ADAMTSL2: variants seen among roughly 807,000 people sequenced by gnomAD.
The protein encoded by ADAMTSL2 is ADAMTS-like protein 2.
A neutral mutation model predicts 117.0 loss-of-function variants in ADAMTSL2; 55 were observed. That is an observed-to-expected ratio of 0.47 (90% CI 0.38 to 0.59). The LOEUF is 0.59. Among genes scored for constraint, ADAMTSL2 ranks in the 20% least tolerant of loss-of-function variants. The pLI, the probability that ADAMTSL2 is intolerant of heterozygous loss-of-function variation, is 0.00. For missense variants in ADAMTSL2, 1,182 were observed against 1,354.5 expected (o/e 0.87, Z 2.00); for synonymous variants, 572 against 566.4 (o/e 1.01, Z -0.14).
At chr9:133,574,554 C>T (rs1254628957) in intron 18 of ADAMTSL2, among the ~76,000 whole-genome samples, 192 bp from the exon 19 acceptor site, 1 of 152,158 alleles carries the variant, frequency 6.6e-6, no homozygotes, top group Non-Finnish European at 1.5e-5. Flanking sequence ...AATCACCTGG[C>T]ATGATCTGGG....
At chr9:133,562,264 C>A (rs1294805014) in intron 12 of ADAMTSL2, among the ~76,000 whole-genome samples, 2 of 152,230 alleles carry the variant, frequency 1.3e-5, no homozygotes, top group Admixed American at 6.5e-5. Context: ...GGGGCTGGGG[C>A]GGCCCTGCAG....
chr9:133,549,390 G>C (rs1432822988), intron 9 of ADAMTSL2, among the ~76,000 whole-genome samples: 2 of 152,092 alleles, frequency 1.3e-5, no homozygotes, highest in Non-Finnish European at 2.9e-5. Flanking sequence ...CTGGTGAGGT[G>C]ACCCTGGTCT....
intron 8 of ADAMTSL2, 101 bp from the exon 9 acceptor site, chr9:133,546,937 G>C (rs1830363142): frequency 8.1e-7 from 1 of 1,230,574 alleles, no homozygotes; most frequent in Non-Finnish European, 1.2e-6. Flanking sequence ...TTTGAGCCGG[G>C]GTTCTGGAGG....
At chr9:133,563,900 AAG>A (rs1491074509) in intron 12 of ADAMTSL2, among the ~76,000 whole-genome samples, 7 of 1,768 alleles carry the variant, frequency 4.0e-3, no homozygotes, top group African/African-American at 5.3e-3. Flanking sequence ...AGAGAGAGAG[AAG>A]GGGAGAGAGA....
chr9:133,556,014 G>T, intron 11 of ADAMTSL2, 84 bp downstream of exon 11: 1 of 1,526,698 alleles, frequency 6.6e-7, no homozygotes, highest in Non-Finnish European at 8.8e-7. Flanking sequence ...AGGCCCCACT[G>T]GGGGGGTCTG....
intron 11 of ADAMTSL2, 73 bp downstream of exon 11, chr9:133,556,003 G>A (rs1179381805): frequency 8.3e-6 from 13 of 1,567,094 alleles, no homozygotes; most frequent in Non-Finnish European, 1.1e-5. Context: ...GGTAGAAAGT[G>A]AGGCCCCACT....
At chr9:133,567,983 C>CA (rs1831014102) in intron 13 of ADAMTSL2, among the ~76,000 whole-genome samples, 1 of 152,218 alleles carries the variant, frequency 6.6e-6, no homozygotes, top group African/African-American at 2.4e-5. Flanking sequence ...TGTGGGCGCA[C>CA]AGCCACCTGT....
In ADAMTSL2 at chr9:133,554,386, C is replaced by T. The variant is rs1266618627; in HGVS notation, c.969C>T (p.Ser323=). ...MVWNQNGKSP[S]ITFEYTLLQP... ...GGAACCAGAACGGCAAAAGCCCCTC[C>T]ATCACCTTCGAGTACACGCTGCTGC... is the stretch of plus-strand genomic sequence containing the variant. Residue 323 remains serine (S), a synonymous_variant, in exon 10 of 19, where the codon TCC becomes TCT. Transcript: ENST00000651351. The surrounding 1 kb of genome is among the most constrained non-coding windows in gnomAD (Gnocchi z 5.2). The T allele has an allele frequency of 6.4e-7, 1 of 1,561,572 alleles. No homozygotes were observed. Among genetic ancestry groups the T allele is most frequent in the African/African-American group, 1.3e-5 (1 of 74,402 alleles).
Position 133,563,147 on chromosome 9 carries a change from G to A in ADAMTSL2, c.1747+1852G>A, listed in dbSNP as rs903365793. ...TGCTTATCTCAAAGGTGGGTTGTGG[G>A]GATCCACATGAAACAAGGAATAGCC... On this transcript the variant is annotated intron_variant, in intron 12 of 18. Coordinates refer to ENST00000651351, the MANE Select transcript of ADAMTSL2 (RefSeq NM_014694.4). 2.5e-3 allele frequency among the ~76,000 whole-genome samples: 378 copies of A among 152,386 alleles called. 3 individuals are homozygous for A. Among genetic ancestry groups the A allele is most frequent in the African/African-American group, 8.8e-3 (365 of 41,598 alleles).
chr9:133,536,947 C>G, intron 2 of ADAMTSL2, 145 bp downstream of exon 2: 7 of 1,380,662 alleles, frequency 5.1e-6, no homozygotes, highest in African/African-American at 1.4e-5. Context: ...AAACTTCTGC[C>G]CAGAGCCAGT....
At chr9:133,566,831 A>G in intron 12 of ADAMTSL2, 105 bp from the exon 13 acceptor site, 4 of 1,459,944 alleles carry the variant, frequency 2.7e-6, no homozygotes, top group Non-Finnish European at 3.7e-6. Context: ...CCAAGCCAGA[A>G]AGCTGAGCTG....
chr9:133,557,704 C>T lies in ADAMTSL2; in HGVS notation c.1649+1774C>T, dbSNP rs950391210. Among the ~76,000 whole-genome samples the T allele has an allele frequency of 1.4e-4, 22 of 152,176 alleles. No homozygotes were observed. The highest frequency in any genetic ancestry group is 2.4e-4 in the Non-Finnish European group (16 of 68,030). Reference sequence around the variant, plus strand: ...CCTGGTATTCCGTGTGTGAGGCCCACGGTAAGGCCTCCAGTAAGTAGAAGC... The same window carrying T: ...CCTGGTATTCCGTGTGTGAGGCCCATGGTAAGGCCTCCAGTAAGTAGAAGC... On this transcript the variant is annotated intron_variant, in intron 11 of 18. Transcript: ENST00000651351. This position sits in a 1 kb window ranked among gnomAD's most constrained non-coding sequence, Gnocchi z 5.2.
intron 10 of ADAMTSL2, 74 bp from the exon 11 acceptor site, chr9:133,555,484 G>C: frequency 6.3e-7 from 1 of 1,594,672 alleles, no homozygotes; most frequent in Non-Finnish European, 8.6e-7. Flanking sequence ...CCTCGTCCAG[G>C]TCCCCTCCCC....
At chr9:133,541,818 C>T (rs750743250) in intron 7 of ADAMTSL2, among the ~76,000 whole-genome samples, 7 of 152,196 alleles carry the variant, frequency 4.6e-5, no homozygotes, top group Non-Finnish European at 8.8e-5. Context: ...CAGCCCTCAT[C>T]GGGGGTGGGC....
At chr9:133,549,771 A>T (rs1279181071) in intron 9 of ADAMTSL2, among the ~76,000 whole-genome samples, 1 of 152,148 alleles carries the variant, frequency 6.6e-6, no homozygotes, top group African/African-American at 2.4e-5. Context: ...AAAATGCCCA[A>T]ACAGACCGTG....
chr9:133,535,692 C>T (rs1364727278), intron 1 of ADAMTSL2, among the ~76,000 whole-genome samples: 3 of 152,114 alleles, frequency 2.0e-5, no homozygotes, highest in African/African-American at 7.2e-5. Flanking sequence ...CAGGTTGGCT[C>T]CCCTCTCTGG....
rs1011261446 is a variant in ADAMTSL2 at position 133,534,808 on chromosome 9, G to A, written c.-260G>A. On this transcript the variant is annotated 5_prime_UTR_variant, in exon 1 of 19. Coordinates refer to ENST00000651351, the MANE Select transcript of ADAMTSL2 (RefSeq NM_014694.4). ...GGGAAGGGGAGAGGGAGGCCGGGCC[G>A]CAGCCTCTGCACTCACGCCGCCCCC... The A allele has an allele frequency of 1.1e-5, 17 of 1,487,244 alleles. No homozygotes were observed. The highest frequency in any genetic ancestry group is 2.3e-5 in the Admixed American group (1 of 44,444). 92.1% of individuals were successfully genotyped at this position (1,487,244 alleles called of 1,614,324 possible).
At position 133,538,402 on chromosome 9, in the gene ADAMTSL2, G is replaced by A. The variant is rs555549547; in HGVS notation, c.287G>A (p.Arg96Gln). Reference sequence around the variant, plus strand: ...AGGACCTGCACGGGCACGTCCAAGCGGTACCAGCTCTGCAGAGTGCAGGTG... The same window carrying A: ...AGGACCTGCACGGGCACGTCCAAGCAGTACCAGCTCTGCAGAGTGCAGGTG... ...GNRTCTGTSK[R>Q]YQLCRVQECP... The change falls in exon 4 of 19, where the codon CGG (arginine) becomes CAG (glutamine). Residue 96 changes from arginine to glutamine, a missense_variant. Physicochemically the swap from Arg to Gln is conservative, Grantham distance 43. Transcript: ENST00000651351. 17 of 1,613,274 alleles carry A rather than the reference G, an allele frequency of 1.1e-5. No individual in the cohort carries two copies. The Admixed American group carries it at 1.8e-4, about 17-fold the overall frequency.
intron 5 of ADAMTSL2, among the ~76,000 whole-genome samples, 179 bp downstream of exon 5, chr9:133,540,052 C>T (rs1830174718): frequency 6.6e-6 from 1 of 152,308 alleles, no homozygotes; most frequent in South Asian, 2.1e-4. Context: ...GTCCCCTCCC[C>T]CATGACCCAT....
Sources: gnomAD v4.1 joint callset for allele counts (sites outside exome capture counted in the v4.1 genomes callset) on GRCh38, gnomAD v4.1.1 for gene constraint, Gnocchi (gnomAD v3.1) non-coding constraint, MANE v1.5 for transcripts, NCBI Gene and HGNC (gene_info 2026-07-23, HGNC 2026-07-21) for gene names.